SHTN1: variants seen among roughly 807,000 people sequenced by gnomAD.
SHTN1 encodes shootin 1.
In SHTN1, 42 loss-of-function variants were observed where a neutral mutation model predicts 83.1. The observed-to-expected ratio is 0.51, with a 90% CI of 0.39 to 0.65. The LOEUF is 0.65. SHTN1 is among the 30% of genes least tolerant of loss of function. The pLI is 0.00. For missense variants in SHTN1, 622 were observed against 737.8 expected, an observed-to-expected ratio of 0.84 and a Z score of 1.82; for synonymous variants, 224 against 247.7, an observed-to-expected ratio of 0.90 and a Z score of 0.90.
chr10:117,022,798 G>A (rs1295940848), intron 2 of SHTN1, among the ~76,000 whole-genome samples: 5 of 152,120 alleles, frequency 3.3e-5, no homozygotes, highest in African/African-American at 4.8e-5. Context: ...GCAGGTGCCT[G>A]TAATCCCCGC....
chr10:116,889,013 C>A (rs1331697167), intron 16 of SHTN1, among the ~76,000 whole-genome samples: 1 of 152,236 alleles, frequency 6.6e-6, no homozygotes, highest in Non-Finnish European at 1.5e-5. Context: ...CTTATGTAAG[C>A]CAGTCAAACT....
Position 117,111,953 on chromosome 10 carries a change from G to GT in SHTN1, c.-189+14353dup, listed in dbSNP as rs921737600. Among the ~76,000 whole-genome samples the GT allele has an allele frequency of 2.6e-5, 4 of 151,958 alleles. No homozygotes were observed. In the East Asian group the frequency reaches 5.8e-4, roughly 22 times the overall value. On this transcript the variant is annotated intron_variant, in intron 1 of 17. Transcript: ENST00000392901. ...CCCCCAAGCACATACCAGTGTTTTG[G>GT]TTTTTTTGTTTTGTTTTTGTTTTTT...
chr10:117,051,897 A>C (rs1029414056), intron 1 of SHTN1, among the ~76,000 whole-genome samples: 2 of 150,666 alleles, frequency 1.3e-5, no homozygotes, highest in Non-Finnish European at 3.0e-5. Flanking sequence ...TCAACGTTGC[A>C]CTGGAAATCC....
chr10:116,939,029 G>A (rs937499837), intron 9 of SHTN1, among the ~76,000 whole-genome samples: 6 of 152,200 alleles, frequency 3.9e-5, no homozygotes, highest in South Asian at 4.2e-4. Context: ...CCAAGCTCGA[G>A]TGTCCCAGGT....
intron 1 of SHTN1, among the ~76,000 whole-genome samples, chr10:117,104,400 G>A (rs1370804110): frequency 6.6e-6 from 1 of 152,096 alleles, no homozygotes; most frequent in African/African-American, 2.4e-5. Context: ...CCTCCATTAG[G>A]GCTGTTCCTC....
At chr10:117,075,009 ACT>A (rs1853132283) in intron 1 of SHTN1, among the ~76,000 whole-genome samples, 1 of 152,078 alleles carries the variant, frequency 6.6e-6, no homozygotes, top group Admixed American at 6.6e-5. Flanking sequence ...GAAGAAAAAG[ACT>A]CTTTTGCATT....
At chr10:116,905,208 CA>C (rs772309175) in intron 15 of SHTN1, among the ~76,000 whole-genome samples, 3,920 of 63,446 alleles carry the variant, frequency 0.062, 82 homozygotes, top group African/African-American at 0.16. Flanking sequence ...GACTCCGTCT[CA>C]AAAAAAAAAA....
At chr10:117,087,519 G>C (rs999936488) in intron 1 of SHTN1, among the ~76,000 whole-genome samples, 6 of 152,154 alleles carry the variant, frequency 3.9e-5, no homozygotes, top group African/African-American at 1.4e-4. Flanking sequence ...GATAAATGGA[G>C]TTAGTTATAC....
chr10:117,099,009 T>TAC (rs371738555), intron 1 of SHTN1, among the ~76,000 whole-genome samples: 4,479 of 141,080 alleles, frequency 0.032, 122 homozygotes, highest in African/African-American at 0.072. Context: ...GTGGTATGTA[T>TAC]ACACACACAC....
At chr10:117,000,654 A>G (rs908336911) in intron 1 of SHTN1, among the ~76,000 whole-genome samples, 3 of 152,224 alleles carry the variant, frequency 2.0e-5, no homozygotes, top group African/African-American at 7.2e-5. Context: ...ACAGTTTAGC[A>G]GACATGTGTT....
At chr10:117,006,565 CAAAA>C (rs35193104), upstream of SHTN1, among the ~76,000 whole-genome samples, 2 of 92,650 alleles carry the variant, frequency 2.2e-5, no homozygotes, top group Non-Finnish European at 2.2e-5. Context: ...GACTCCGTCT[CAAAA>C]AAAAAAAAAA....
At chr10:116,899,886 T>C (rs1478729312) in intron 16 of SHTN1, among the ~76,000 whole-genome samples, 1 of 152,194 alleles carries the variant, frequency 6.6e-6, no homozygotes, top group Non-Finnish European at 1.5e-5. Flanking sequence ...ATAACCCTTC[T>C]CATTCCTGGA....
At chr10:117,085,545 G>A (rs1366151210) in intron 1 of SHTN1, among the ~76,000 whole-genome samples, 1 of 152,216 alleles carries the variant, frequency 6.6e-6, no homozygotes, top group Middle Eastern at 3.4e-3. Flanking sequence ...CTCAGAATGT[G>A]GTCTACCTTG....
At chr10:117,023,452 A>G (rs1299627758) in intron 2 of SHTN1, among the ~76,000 whole-genome samples, 1 of 152,244 alleles carries the variant, frequency 6.6e-6, no homozygotes, top group Non-Finnish European at 1.5e-5. Flanking sequence ...TGAATGTGCA[A>G]TAAAAGAAGT....
chr10:116,950,755 C>T (rs1355104506), intron 6 of SHTN1, among the ~76,000 whole-genome samples: 2 of 152,126 alleles, frequency 1.3e-5, no homozygotes, highest in African/African-American at 4.8e-5. Context: ...CGGTAAGGTC[C>T]TTTCCAAAAT....
At chr10:116,963,336 T>C (rs571727532) in intron 3 of SHTN1, among the ~76,000 whole-genome samples, 26 of 151,606 alleles carry the variant, frequency 1.7e-4, no homozygotes, top group African/African-American at 6.0e-4. Context: ...CCTCCCAAAG[T>C]GCTGGGATTA....
chr10:117,097,030 GACACACACACACACACAC>G (rs5788209), intron 1 of SHTN1, among the ~76,000 whole-genome samples: 1 of 148,950 alleles, frequency 6.7e-6, no homozygotes, highest in East Asian at 2.0e-4. Flanking sequence ...CACACACATA[GACACACACACACACACAC>G]ACACACACAC....
chr10:116,941,242 C>T (rs1849362818), intron 8 of SHTN1, among the ~76,000 whole-genome samples: 1 of 152,154 alleles, frequency 6.6e-6, no homozygotes, highest in Non-Finnish European at 1.5e-5. Flanking sequence ...TGGCTAAGTT[C>T]CTCTACTATT....
intron 1 of SHTN1, among the ~76,000 whole-genome samples, chr10:116,997,781 G>T (rs1255724862): frequency 2.0e-5 from 3 of 152,114 alleles, no homozygotes; most frequent in Non-Finnish European, 4.4e-5. Context: ...TTCACTATGT[G>T]CTGCCCACAC....
Sources: allele counts gnomAD v4.1 joint callset (sites outside exome capture counted in the v4.1 genomes callset), GRCh38; gene constraint gnomAD v4.1.1; transcripts MANE v1.5; gene names NCBI Gene and HGNC (gene_info 2026-07-23, HGNC 2026-07-21).